Variants in SHC2 observed in about 807,000 individuals in gnomAD.
SHC2 encodes the protein SHC-transforming protein 2.
A neutral mutation model predicts 60.6 loss-of-function variants in SHC2; 62 were observed. The observed-to-expected ratio is 1.02, with a 90% CI of 0.83 to 1.26. The LOEUF (loss-of-function observed/expected upper bound fraction) is 1.26, where lower values mean the gene tolerates loss of function less well. SHC2 is among the 50% of genes most tolerant of loss of function. The pLI is 0.00. For synonymous variants in SHC2, 375 were observed against 372.4 expected, an observed-to-expected ratio of 1.01 and a Z score of -0.08; for missense variants, 873 against 822.2, an observed-to-expected ratio of 1.06 and a Z score of -0.76.
chr19:458,440 G>C (rs1261220625), intron 1 of SHC2, among the ~76,000 whole-genome samples: 1 of 131,808 alleles, frequency 7.6e-6, no homozygotes, highest in Non-Finnish European at 1.7e-5. Context: ...AGCGGGTCTT[G>C]GGGAGGCGGA....
rs1015456001 is a variant in SHC2 at position 453,922 on chromosome 19, T to C, written c.468+6607A>G. 3.3e-5 allele frequency among the ~76,000 whole-genome samples: 5 copies of C among 152,190 alleles called. No homozygotes were observed. The highest frequency in any genetic ancestry group is 7.3e-5 in the Non-Finnish European group (5 of 68,032). On this transcript the variant is annotated intron_variant, in intron 1 of 12. Transcript: ENST00000264554. This position sits in a 1 kb window ranked among gnomAD's most constrained non-coding sequence, Gnocchi z 6.3. The stretch of plus-strand genomic sequence containing the variant: ...CGGCCTGACTCACGGGACTTCTGTG[T>C]ATGGACGAGCCCAGCGCCAAAATGG...
At position 425,872 on chromosome 19, in the gene SHC2, T is replaced by C. The variant is rs1208408462; in HGVS notation, c.1175-641A>G. Among the ~76,000 whole-genome samples, 5 of 151,844 alleles carry C rather than the reference T, an allele frequency of 3.3e-5. No individual in the cohort carries two copies. Among genetic ancestry groups the C allele is most frequent in the African/African-American group, 9.7e-5 (4 of 41,330 alleles). ...GGTGAAACCCCGTCTCTACTAAAAA[T>C]GCAAAAATTAGCTAGGCGTGGTGGT... On this transcript the variant is annotated intron_variant, in intron 9 of 12. Coordinates refer to ENST00000264554, the MANE Select transcript of SHC2 (RefSeq NM_012435.3). The surrounding 1 kb of genome is among the most constrained non-coding windows in gnomAD (Gnocchi z 4.1).
Position 429,198 on chromosome 19 carries a change from AT to A in SHC2, c.1174+1485del, listed in dbSNP as rs571616930. ...ACACCGTGTGGATGACGCAGTACCT[AT>A]ATCCAACATGCAGAGAAACCTAATA... On this transcript the variant is annotated intron_variant, in intron 9 of 12. Coordinates refer to ENST00000264554, the MANE Select transcript of SHC2 (RefSeq NM_012435.3). Among the ~76,000 whole-genome samples the A allele has an allele frequency of 1.6e-4, 23 of 147,798 alleles. No homozygotes were observed. The East Asian group carries it at 4.7e-3, about 30-fold the overall frequency.
In SHC2 at chr19:422,128, C is replaced by T. The variant is rs117736448; in HGVS notation, c.1620+18G>A. 38,606 of 1,566,242 alleles carry T rather than the reference C, an allele frequency of 0.025. 705 individuals carry two copies. Among genetic ancestry groups the T allele is most frequent in the Non-Finnish European group, 0.03 (34,834 of 1,149,146 alleles). On this transcript the variant is annotated intron_variant, in intron 11 of 12. Coordinates refer to ENST00000264554, the MANE Select transcript of SHC2 (RefSeq NM_012435.3). This position sits in a 1 kb window ranked among gnomAD's most constrained non-coding sequence, Gnocchi z 5.0. ...GCCCCTGGATGCCCCGAGACCCTCC[C>T]ACCTGTGCACAGCTTACCACGCCCT...
chr19:460,796 C>A lies in SHC2; in HGVS notation c.201G>T (p.Ala67=). The A allele has an allele frequency of 2.0e-6, 2 of 978,810 alleles. No homozygotes were observed. Among genetic ancestry groups the A allele is most frequent in the Non-Finnish European group, 2.4e-6 (2 of 827,206 alleles). The allele number at this position is 978,810 out of a possible 1,614,324, so 60.6% of individuals were successfully genotyped here. Residue 67 remains alanine, a synonymous_variant, in exon 1 of 13, where the codon GCG becomes GCT. Coordinates refer to ENST00000264554, the MANE Select transcript of SHC2 (RefSeq NM_012435.3). ...CCAGCGCCGGGACGCCCCCCGGGCC[C>A]GCCGGCTCGGGTTGGGGGTCCGCGC... ...SGGADPQPEP[A]GPGGVPALAA... is the part of the protein sequence containing the mutation.
intron 9 of SHC2, among the ~76,000 whole-genome samples, chr19:428,483 C>A (rs921638836): frequency 4.6e-5 from 7 of 152,172 alleles, no homozygotes; most frequent in Non-Finnish European, 8.8e-5. Context: ...GTGGGAAGAA[C>A]CCCTGATGTT....
intron 9 of SHC2, among the ~76,000 whole-genome samples, chr19:429,626 T>C (rs1322467598): frequency 8.5e-6 from 1 of 117,114 alleles, no homozygotes; most frequent in East Asian, 2.1e-4. Context: ...ACCGTGTGGA[T>C]GACACAGTAC....
chr19:457,389 G>GA (rs1975373872), intron 1 of SHC2, among the ~76,000 whole-genome samples: 1 of 152,256 alleles, frequency 6.6e-6, no homozygotes, highest in Non-Finnish European at 1.5e-5. Flanking sequence ...CTAGAACTAT[G>GA]TCTGCAAACC....
intron 11 of SHC2, chr19:419,694 T>C (rs894220509): frequency 6.6e-6 from 1 of 152,256 alleles, no homozygotes; most frequent in Admixed American, 6.5e-5. Flanking sequence ...TGTGGTCATT[T>C]GGTTTGCAGC....
chr19:442,504 CGGAT>C (rs1379569449), intron 1 of SHC2, among the ~76,000 whole-genome samples: 4 of 25,570 alleles, frequency 1.6e-4, no homozygotes, highest in African/African-American at 1.8e-4. Flanking sequence ...GATGGATGGA[CGGAT>C]GGATGGATGG....
At chr19:421,257 G>A (rs1044561481) in intron 11 of SHC2, among the ~76,000 whole-genome samples, 17 of 150,132 alleles carry the variant, frequency 1.1e-4, no homozygotes, top group African/African-American at 2.7e-4. Context: ...AAAATTAGCC[G>A]GGCGTGGTGG....
chr19:459,458 ACCCCTCT>A (rs1402000538), intron 1 of SHC2, among the ~76,000 whole-genome samples: 8 of 143,800 alleles, frequency 5.6e-5, no homozygotes, highest in African/African-American at 1.3e-4. Flanking sequence ...AGGGGGAAGG[ACCCCTCT>A]CAACTCAGCG....
intron 1 of SHC2, among the ~76,000 whole-genome samples, chr19:442,443 ATGGATGGATGGATGAATGGGTGGG>A (rs1600305234): frequency 9.7e-6 from 1 of 103,040 alleles, no homozygotes; most frequent in African/African-American, 3.8e-5. Flanking sequence ...GGGCGGGTGG[ATGGATGGATGGATGAATGGGTGGG>A]TGGATGGGTG....
chr19:421,755 C>T (rs976737916), intron 11 of SHC2, among the ~76,000 whole-genome samples: 3 of 152,004 alleles, frequency 2.0e-5, no homozygotes, highest in African/African-American at 7.2e-5. Flanking sequence ...CCCATCTCTA[C>T]AAAACTTAGC....
chr19:430,874 C>T (rs1974570055), intron 8 of SHC2, 127 bp from the exon 9 acceptor site: 6 of 809,252 alleles, frequency 7.4e-6, no homozygotes, highest in African/African-American at 6.9e-5. Context: ...ACAGCCCTGG[C>T]CCTCCCATTG....
At chr19:454,125 C>T (rs1173955066) in intron 1 of SHC2, among the ~76,000 whole-genome samples, 2 of 152,198 alleles carry the variant, frequency 1.3e-5, no homozygotes, top group African/African-American at 2.4e-5. Context: ...AGCACGGCAG[C>T]TGCTTGCTGC....
At chr19:431,463 C>T (rs558957227) in intron 8 of SHC2, among the ~76,000 whole-genome samples, 1 of 61,050 alleles carries the variant, frequency 1.6e-5, no homozygotes, top group African/African-American at 1.2e-4. Context: ...TGAGTGAGAT[C>T]GTGAGTGAGA....
chr19:456,954 CTCTG>C (rs1420554564), intron 1 of SHC2, among the ~76,000 whole-genome samples: 1 of 148,030 alleles, frequency 6.8e-6, no homozygotes, highest in African/African-American at 2.6e-5. Context: ...GCCCCTAGAA[CTCTG>C]TCTGTAAACT....
At chr19:435,009 G>A (rs889930086) in intron 7 of SHC2, 144 bp from the exon 8 acceptor site, 13 of 780,646 alleles carry the variant, frequency 1.7e-5, no homozygotes, top group South Asian at 3.7e-5. Context: ...ACCGGGAAAC[G>A]CTTCTAGAGC....
Sources: allele counts gnomAD v4.1 joint callset (sites outside exome capture counted in the v4.1 genomes callset), GRCh38; gene constraint gnomAD v4.1.1; non-coding constraint Gnocchi (gnomAD v3.1); transcripts MANE v1.5; gene names NCBI Gene and HGNC (gene_info 2026-07-23, HGNC 2026-07-21).